HYKK: variants seen among roughly 807,000 people sequenced by gnomAD.
HYKK encodes the protein 5-hydroxy-L-lysine kinase.
Under a neutral mutation model 29.7 loss-of-function variants are expected in HYKK, and 19 were observed. The ratio of observed to expected loss-of-function variants is 0.64; its 90% CI spans 0.45 to 0.94. The LOEUF is 0.94. Among genes scored for constraint, HYKK ranks in the 40% least tolerant of loss-of-function variants. HYKK has a pLI of 0.00. For missense variants in HYKK, 390 were observed against 443.4 expected, an observed-to-expected ratio of 0.88 and a Z score of 1.08; for synonymous variants, 152 against 158.1, an observed-to-expected ratio of 0.96 and a Z score of 0.29.
intron 3 of HYKK, among the ~76,000 whole-genome samples, chr15:78,520,655 GCAACCATCCGATTTCT>G (rs1237789875): frequency 7.9e-5 from 12 of 152,158 alleles, no homozygotes; most frequent in Non-Finnish European, 1.6e-4. Context: ...CACAGACACG[GCAACCATCCGATTTCT>G]CAATGTTTTC....
chr15:78,532,620 C>G (rs1346624521), intron 4 of HYKK, among the ~76,000 whole-genome samples: 1 of 152,052 alleles, frequency 6.6e-6, no homozygotes, highest in Non-Finnish European at 1.5e-5. Flanking sequence ...CATGGTGAAA[C>G]TCCGTCTCTA....
At position 78,535,289 on chromosome 15, in the gene HYKK, C is replaced by CTTTTTTTTTTTTTTTTTTTCTTTTT. The variant is rs58709975; in HGVS notation, c.*1634_*1635insTTTTCTTTTTTTTTTTTTTTTTTTT. On this transcript the variant is annotated 3_prime_UTR_variant, in exon 5 of 5. Coordinates refer to ENST00000388988, the MANE Select transcript of HYKK (RefSeq NM_001013619.4). ...ATTTCTTTTTCTTTTCTTTTCTTTT[C>CTTTTTTTTTTTTTTTTTTTCTTTTT]TTTTTTTTTTTTTTTGGTGGTGGGG... 7.6e-6 allele frequency: 1 copy of CTTTTTTTTTTTTTTTTTTTCTTTTT among 130,966 alleles called. No homozygotes were observed. Among genetic ancestry groups the CTTTTTTTTTTTTTTTTTTTCTTTTT allele is most frequent in the Non-Finnish European group, 1.6e-5 (1 of 63,412 alleles). The allele number at this position is 130,966 out of a possible 1,614,324, so 8.1% of individuals were successfully genotyped here. A position where few individuals can be genotyped will look rare whatever the true frequency, so the allele number is the denominator to read the frequency against.
At chr15:78,518,484 G>A (rs148499257) in intron 3 of HYKK, 5 of 412,302 alleles carry the variant, frequency 1.2e-5, no homozygotes, top group East Asian at 7.7e-5. Context: ...CCCCTTGTTT[G>A]TTTTCATTCT....
intron 3 of HYKK, chr15:78,518,797 C>T (rs2052161927): frequency 3.3e-6 from 1 of 303,556 alleles, no homozygotes; most frequent in Admixed American, 4.4e-5. Context: ...CGCCTATAAT[C>T]CCAGCTACTG....
intron 3 of HYKK, among the ~76,000 whole-genome samples, chr15:78,520,878 C>A (rs949153413): frequency 2.6e-5 from 4 of 151,412 alleles, no homozygotes; most frequent in Non-Finnish European, 4.4e-5. Context: ...CTGACCCCCC[C>A]ACCTCCCTCC....
chr15:78,528,540 C>G, intron 4 of HYKK: 1 of 981,408 alleles, frequency 1.0e-6, no homozygotes, highest in South Asian at 4.7e-5. Context: ...TGGTGGCTCC[C>G]GCCTGTAATC....
intron 3 of HYKK, among the ~76,000 whole-genome samples, chr15:78,522,516 G>A (rs1008616478): frequency 1.4e-5 from 2 of 138,236 alleles, no homozygotes; most frequent in African/African-American, 2.8e-5. Flanking sequence ...CTGAGATCAC[G>A]CCATTGCTCT....
intron 4 of HYKK, chr15:78,528,813 A>AAAG: frequency 1.0e-6 from 1 of 971,510 alleles, no homozygotes; most frequent in Non-Finnish European, 1.2e-6. Flanking sequence ...AAAAAAAAAA[A>AAAG]GGGCAAGGAA....
intron 4 of HYKK, among the ~76,000 whole-genome samples, 196 bp from the exon 5 acceptor site, chr15:78,533,014 G>A (rs1168270537): frequency 1.3e-5 from 2 of 152,122 alleles, no homozygotes; most frequent in Admixed American, 1.3e-4. Flanking sequence ...CTGATGAGAA[G>A]CAAAAGCAAA....
In HYKK at chr15:78,527,491, C is replaced by A; in HGVS notation, c.589C>A (p.Arg197=). 1 of 1,613,992 alleles carries A rather than the reference C, an allele frequency of 6.2e-7. No individual in the cohort carries two copies. Residue 197 remains arginine (R), a synonymous_variant, in exon 4 of 5, where the codon CGA becomes AGA. Transcript: ENST00000388988. ...YLYALGQNRN[R]EIVEHVIHLF... is the part of the protein sequence containing the mutation. ...GTATGCCCTGGGCCAGAATCGAAAC[C>A]GAGAGATTGTTGAGCATGTCATTCA...
At chr15:78,524,594 A>G (rs1416503870) in intron 3 of HYKK, among the ~76,000 whole-genome samples, 2 of 152,108 alleles carry the variant, frequency 1.3e-5, no homozygotes, top group Admixed American at 1.3e-4. Context: ...AGCCTTCTTG[A>G]GGTCAGGAGT....
At chr15:78,524,557 C>T (rs1397605056) in intron 3 of HYKK, among the ~76,000 whole-genome samples, 1 of 152,172 alleles carries the variant, frequency 6.6e-6, no homozygotes, top group African/African-American at 2.4e-5. Flanking sequence ...TAGCGCTTGG[C>T]TCCTTTTTAC....
At chr15:78,515,712 C>T (rs1165354470) in intron 3 of HYKK, among the ~76,000 whole-genome samples, 1 of 152,024 alleles carries the variant, frequency 6.6e-6, no homozygotes, top group African/African-American at 2.4e-5. Flanking sequence ...CCTCAGCCTC[C>T]CAAGTAGCTG....
intron 3 of HYKK, among the ~76,000 whole-genome samples, chr15:78,523,290 G>A (rs1191433622): frequency 6.6e-6 from 1 of 152,174 alleles, no homozygotes; most frequent in African/African-American, 2.4e-5. Context: ...GTCTTAAATG[G>A]CAGGGGCAGG....
chr15:78,509,208 C>T (rs572761168), intron 1 of HYKK, among the ~76,000 whole-genome samples: 8 of 152,180 alleles, frequency 5.3e-5, no homozygotes, highest in South Asian at 2.1e-4. Context: ...AGAAAAAAGG[C>T]GAACTTAAAG....
chr15:78,529,339 G>A (rs2052289019), intron 4 of HYKK, among the ~76,000 whole-genome samples: 1 of 152,138 alleles, frequency 6.6e-6, no homozygotes, highest in Non-Finnish European at 1.5e-5. Context: ...CTTATTTGGG[G>A]CTATTAAGAA....
At position 78,535,624 on chromosome 15, in the gene HYKK, T is replaced by C. The variant is rs983816380; in HGVS notation, c.*1954T>C. ...TCAAAATATTGGAGTAATTTTTTGCTTGCCTCTCTTATATTCAGTGAGCCC... is the reference window on the plus strand; with the variant it reads ...TCAAAATATTGGAGTAATTTTTTGCCTGCCTCTCTTATATTCAGTGAGCCC... On this transcript the variant is annotated 3_prime_UTR_variant, in exon 5 of 5. Coordinates refer to ENST00000388988, the MANE Select transcript of HYKK (RefSeq NM_001013619.4). The C allele has an allele frequency of 6.6e-6, 1 of 152,236 alleles. No homozygotes were observed. The highest frequency in any genetic ancestry group is 1.5e-5 in the Non-Finnish European group (1 of 68,048). The allele number at this position is 152,236 out of a possible 1,614,324, so 9.4% of individuals were successfully genotyped here.
Position 78,514,971 on chromosome 15 carries a change from G to A in HYKK, c.341G>A (p.Ser114Asn). 5 of 1,543,022 alleles carry A rather than the reference G, an allele frequency of 3.2e-6. No homozygotes were observed. The highest frequency in any genetic ancestry group is 4.4e-6 in the Non-Finnish European group (5 of 1,141,260). The change falls in exon 3 of 5, where the codon AGT becomes AAT. Residue 114 changes from serine (S) to asparagine (N), a missense_variant. Physicochemically the swap from Ser to Asn is conservative, Grantham distance 46 (BLOSUM62 1). Coordinates refer to ENST00000388988, the MANE Select transcript of HYKK (RefSeq NM_001013619.4). ...DNTASLVSVD[S>N]GSEIKSYLVR... ...ATATTTTATTCCATCCATTTAGATA[G>A]TGGCTCTGAAATCAAAAGCTACTTG... is the stretch of plus-strand genomic sequence containing the variant.
Position 78,513,293 on chromosome 15 carries a change from A to G in HYKK, c.205A>G (p.Thr69Ala), listed in dbSNP as rs201135688. ...TGAATATGTCCTCAAAATAAGCAAC[A>G]CCAAGGCTAGCAAAAATCCAGACCT... Reference protein sequence around the residue: ...PTEYVLKISNTKASKNPDLIE... With the variant: ...PTEYVLKISNAKASKNPDLIE... Residue 69 changes from threonine (T) to alanine (A), a missense_variant, in exon 2 of 5, where the codon ACC becomes GCC. Physicochemically the swap from Thr to Ala is moderately conservative, Grantham distance 58. Coordinates refer to ENST00000388988, the MANE Select transcript of HYKK (RefSeq NM_001013619.4). 4.5e-3 allele frequency: 7,253 copies of G among 1,614,222 alleles called. 65 individuals are homozygous for G. The highest frequency in any genetic ancestry group is 3.8e-3 in the Non-Finnish European group (4,496 of 1,180,036).
Sources: allele counts gnomAD v4.1 joint callset (sites outside exome capture counted in the v4.1 genomes callset), GRCh38; gene constraint gnomAD v4.1.1; transcripts MANE v1.5; gene names NCBI Gene and HGNC (gene_info 2026-07-23, HGNC 2026-07-21).